Variants in DSCC1 observed in about 807,000 individuals in gnomAD.
DSCC1 encodes DNA replication and sister chromatid cohesion 1, also known as sister chromatid cohesion protein DCC1.
Under a neutral mutation model 48.2 loss-of-function variants are expected in DSCC1, and 32 were observed. That is an observed-to-expected ratio of 0.66 (90% CI 0.50 to 0.89). DSCC1 has a LOEUF of 0.89. Ranked by LOEUF, DSCC1 falls within the 40% of genes least tolerant of loss-of-function variation. DSCC1 has a pLI of 0.00. For synonymous variants in DSCC1, 150 were observed against 171.5 expected (o/e 0.87, Z 0.98); for missense variants, 421 against 471.7 (o/e 0.89, Z 1.00).
At chr8:119,838,507 C>G (rs927755130) in intron 7 of DSCC1, 100 bp from the exon 8 acceptor site, 55 of 1,346,598 alleles carry the variant, frequency 4.1e-5, no homozygotes, top group Admixed American at 8.7e-5. Flanking sequence ...TCAAGATATT[C>G]AAAATGTCAG....
chr8:119,848,656 T>C (rs1476436794), intron 3 of DSCC1, among the ~76,000 whole-genome samples: 1 of 152,218 alleles, frequency 6.6e-6, no homozygotes, highest in Admixed American at 6.5e-5. Context: ...CACATTAAAA[T>C]CTTGTATACG....
intron 7 of DSCC1, among the ~76,000 whole-genome samples, chr8:119,840,883 G>A (rs990748148): frequency 1.6e-4 from 25 of 151,938 alleles, no homozygotes; most frequent in African/African-American, 5.3e-4. Context: ...CTGCACTCCA[G>A]CCTGGGTGAC....
Position 119,853,145 on chromosome 8 carries a change from T to A in DSCC1, c.253A>T (p.Ile85Leu). 1 of 1,614,152 alleles carries A rather than the reference T, an allele frequency of 6.2e-7. No homozygotes were observed. Among genetic ancestry groups the A allele is most frequent in the East Asian group, 2.2e-5 (1 of 44,882 alleles). Residue 85 changes from isoleucine to leucine, a missense_variant, in exon 2 of 9, where the codon ATA (isoleucine) becomes TTA (leucine). Physicochemically the swap from Ile to Leu is conservative, Grantham distance 5. Transcript: ENST00000313655. ...AGCAACATATTGGAAGTGTCTGCTATCTTCAAGTCGTATGTTTTGTCTTTA... is the reference window on the plus strand; with the variant it reads ...AGCAACATATTGGAAGTGTCTGCTAACTTCAAGTCGTATGTTTTGTCTTTA... ...CSKDKTYDLK[I>L]ADTSNMLLFI...
At chr8:119,852,700 A>G (rs554186500) in intron 2 of DSCC1, 12 of 167,688 alleles carry the variant, frequency 7.2e-5, no homozygotes, top group Non-Finnish European at 1.3e-4. Context: ...CAAATGAACC[A>G]GTTACGGTCT....
chr8:119,843,674 T>C lies in DSCC1; in HGVS notation c.651A>G (p.Glu217=). The change falls in exon 5 of 9, where the codon GAA becomes GAG. Residue 217 remains glutamate, a synonymous_variant. Transcript: ENST00000313655. ...AAGGAACTTTACCAAAAGACCATGATTCAGAATCCACAAGCTGAGTTACAT... is the reference window on the plus strand; with the variant it reads ...AAGGAACTTTACCAAAAGACCATGACTCAGAATCCACAAGCTGAGTTACAT... The part of the protein sequence containing the change: ...LNHVTQLVDS[E]SWSFGKVPLN... 6.2e-7 allele frequency: 1 copy of C among 1,614,154 alleles called. No individual in the cohort carries two copies. The highest frequency in any genetic ancestry group is 8.5e-7 in the Non-Finnish European group (1 of 1,180,040).
At chr8:119,838,553 C>T (rs1204942537) in intron 7 of DSCC1, 146 bp from the exon 8 acceptor site, 7 of 994,700 alleles carry the variant, frequency 7.0e-6, no homozygotes, top group East Asian at 3.0e-5. Flanking sequence ...GATTTACAAT[C>T]GCCTTTTTCA....
In DSCC1 at chr8:119,849,367, C is replaced by A. The variant is rs555117391; in HGVS notation, c.486+1015G>T. 8.7e-4 allele frequency among the ~76,000 whole-genome samples: 133 copies of A among 152,196 alleles called. 1 individual carries two copies. The highest frequency in any genetic ancestry group is 3.0e-3 in the African/African-American group (124 of 41,522). On this transcript the variant is annotated intron_variant, in intron 3 of 8. Transcript: ENST00000313655. Reference sequence around the variant, plus strand: ...GTTGCAGTGAGCCAAGACTGCGCCACTGCACTCCAGCCTGGGCAAGAAGAG... The same window carrying A: ...GTTGCAGTGAGCCAAGACTGCGCCAATGCACTCCAGCCTGGGCAAGAAGAG...
chr8:119,850,194 G>C (rs1826924403), intron 3 of DSCC1, among the ~76,000 whole-genome samples, 188 bp downstream of exon 3: 1 of 152,172 alleles, frequency 6.6e-6, no homozygotes, highest in South Asian at 2.1e-4. Context: ...TTGTTCAAGT[G>C]AATGACAAAT....
In DSCC1 at chr8:119,843,751, C is replaced by T. The variant is rs752054227; in HGVS notation, c.578-4G>A. 2.4e-5 allele frequency: 39 copies of T among 1,595,618 alleles called. No homozygotes were observed. Among genetic ancestry groups the T allele is most frequent in the Non-Finnish European group, 3.1e-5 (37 of 1,175,178 alleles). On this transcript the variant is annotated splice_polypyrimidine_tract_variant and splice_region_variant and intron_variant, in intron 4 of 8. Coordinates refer to ENST00000313655, the MANE Select transcript of DSCC1 (RefSeq NM_024094.3). The stretch of plus-strand genomic sequence containing the variant: ...AATTCAAGAATCCTCCAATAACCTA[C>T]AAATTTCAAAAGTTATATTTACCAA...
At chr8:119,838,181 C>T (rs1826713377) in intron 8 of DSCC1, 78 bp downstream of exon 8, 2 of 1,429,308 alleles carry the variant, frequency 1.4e-6, no homozygotes, top group Admixed American at 2.7e-5. Flanking sequence ...AATTGTGTTC[C>T]AATCATAAAT....
chr8:119,853,839 A>G (rs1826976162), intron 1 of DSCC1, among the ~76,000 whole-genome samples: 1 of 152,252 alleles, frequency 6.6e-6, no homozygotes, highest in African/African-American at 2.4e-5. Context: ...TATGAAAAAA[A>G]GGATGCAGTG....
intron 2 of DSCC1, among the ~76,000 whole-genome samples, chr8:119,852,503 G>A (rs1168968227): frequency 2.0e-5 from 3 of 152,088 alleles, no homozygotes; most frequent in East Asian, 1.9e-4. Flanking sequence ...ACAGGTGCAC[G>A]CCACCACGCT....
At chr8:119,835,033 A>G (rs986128384) in intron 8 of DSCC1, 32 bp from the exon 9 acceptor site, 4 of 1,381,578 alleles carry the variant, frequency 2.9e-6, no homozygotes, top group Non-Finnish European at 4.1e-6. Flanking sequence ...TATAACATGA[A>G]TATTTTAGGG....
At chr8:119,846,137 G>A (rs780780823) in intron 4 of DSCC1, among the ~76,000 whole-genome samples, 7 of 127,422 alleles carry the variant, frequency 5.5e-5, no homozygotes, top group East Asian at 4.6e-4. Context: ...TTTTTTTGAC[G>A]GAGTTTTGCT....
Position 119,834,768 on chromosome 8 carries a change from A to G in DSCC1, c.*125T>C, listed in dbSNP as rs1826649875. ...TAACAGTAGTTTCAAAATGCTTAAGATGAGGAGAAAAATGCCTTAGAAGAC... is the reference window on the plus strand; with the variant it reads ...TAACAGTAGTTTCAAAATGCTTAAGGTGAGGAGAAAAATGCCTTAGAAGAC... On this transcript the variant is annotated 3_prime_UTR_variant, in exon 9 of 9. Transcript: ENST00000313655. 2.9e-6 allele frequency: 2 copies of G among 682,568 alleles called. No homozygotes were observed. The highest frequency in any genetic ancestry group is 3.3e-5 in the South Asian group (2 of 60,132). The allele number at this position is 682,568 out of a possible 1,614,324, so 42.3% of individuals were successfully genotyped here. A position where few individuals can be genotyped will look rare whatever the true frequency, so the allele number is the denominator to read the frequency against.
intron 7 of DSCC1, among the ~76,000 whole-genome samples, chr8:119,841,109 A>G (rs1826762154): frequency 6.6e-6 from 1 of 151,564 alleles, no homozygotes; most frequent in South Asian, 2.1e-4. Context: ...CTCCTGCCTC[A>G]GTCTCCCGAG....
intron 6 of DSCC1, among the ~76,000 whole-genome samples, chr8:119,842,520 C>G (rs142978958): frequency 0.015 from 2,268 of 152,018 alleles, 59 homozygotes; most frequent in African/African-American, 0.052. Context: ...GTAGCTGGGA[C>G]TACAGGCATG....
Position 119,855,770 on chromosome 8 carries a change from T to C in DSCC1, c.26A>G (p.Asp9Gly), listed in dbSNP as rs1029270591. The C allele has an allele frequency of 7.1e-6, 11 of 1,555,248 alleles. No individual in the cohort carries two copies. In the African/African-American group the frequency reaches 1.3e-4, roughly 18 times the overall value. ...CAGCTTGGCGATCTGCAGCGTCGCATCCACCTCGTCGCGGGTCCTCTTCAT... is the reference window on the plus strand; with the variant it reads ...CAGCTTGGCGATCTGCAGCGTCGCACCCACCTCGTCGCGGGTCCTCTTCAT... MKRTRDEV[D>G]ATLQIAKLNA... Residue 9 changes from aspartate (D) to glycine (G), a missense_variant, in exon 1 of 9, where the codon GAT (aspartate) becomes GGT (glycine). By Grantham distance (94) the Asp-to-Gly change is moderately conservative. Transcript: ENST00000313655.
chr8:119,839,448 A>G (rs1476767111), intron 7 of DSCC1: 1 of 152,206 alleles, frequency 6.6e-6, no homozygotes. Context: ...TTAAGGCTTC[A>G]GGATTCCTCT....
Sources: allele counts gnomAD v4.1 joint callset (sites outside exome capture counted in the v4.1 genomes callset), GRCh38; gene constraint gnomAD v4.1.1; transcripts MANE v1.5; gene names NCBI Gene and HGNC (gene_info 2026-07-23, HGNC 2026-07-21).